Variants in CIST1 observed in about 807,000 individuals in gnomAD.
The protein encoded by CIST1 is uncharacterized LOC729966.
At chr19:18,250,930 C>A in the CIST1 span, among the ~76,000 whole-genome samples, 2 of 152,098 alleles carry the variant, frequency 1.3e-5, no homozygotes, top group Non-Finnish European at 2.9e-5. Context: ...TGTGCCACCA[C>A]ACCCAGCTAA....
At chr19:18,255,341 A>ACAGGTGTGTGGC in the CIST1 span, 11,072 of 398,808 alleles carry the variant, frequency 0.028, 1,073 homozygotes, top group African/African-American at 0.2. The surrounding 1 kb of genome is among the most constrained non-coding windows in gnomAD (Gnocchi z 4.6). Flanking sequence ...CCGGCTCTGC[A>ACAGGTGTGTGGC]CAGGTGTGTG....
chr19:18,253,896 A>G, the CIST1 span, among the ~76,000 whole-genome samples: 1 of 152,146 alleles, frequency 6.6e-6, no homozygotes, highest in African/African-American at 2.4e-5. Context: ...AGGCACTTAC[A>G]AGTTCATTCA....
At chr19:18,255,078 G>A in the CIST1 span, 1 of 393,188 alleles carries the variant, frequency 2.5e-6, no homozygotes, top group Non-Finnish European at 4.5e-6. The surrounding 1 kb of genome is among the most constrained non-coding windows in gnomAD (Gnocchi z 4.6). Context: ...GTTTCTGGGG[G>A]AAAACCCAGC....
chr19:18,255,303 G>A, the CIST1 span: 163 of 399,280 alleles, frequency 4.1e-4, no homozygotes, highest in South Asian at 5.1e-4. This position sits in a 1 kb window ranked among gnomAD's most constrained non-coding sequence, Gnocchi z 4.6. Flanking sequence ...CTGGGGGCAC[G>A]CCATTCCTGC....
chr19:18,250,006 TCCATAACTCGTGTTTTCACACGAGG>T, the CIST1 span: 2 of 397,734 alleles, frequency 5.0e-6, no homozygotes, highest in African/African-American at 2.1e-5. Flanking sequence ...TTCACACGAG[TCCATAACTCGTGTTTTCACACGAGG>T]CCTTGGATGA....
chr19:18,251,799 G>A, the CIST1 span, among the ~76,000 whole-genome samples: 1 of 149,762 alleles, frequency 6.7e-6, no homozygotes, highest in Non-Finnish European at 1.5e-5. Context: ...TTTTGCCCAG[G>A]CCCAAATACA....
At chr19:18,252,144 G>T in the CIST1 span, 1 of 399,344 alleles carries the variant, frequency 2.5e-6, no homozygotes, top group East Asian at 3.6e-5. Context: ...GCTCCAGTGC[G>T]GGGTCAGGGA....
the CIST1 span, among the ~76,000 whole-genome samples, chr19:18,254,433 G>A: frequency 1.3e-5 from 2 of 152,228 alleles, no homozygotes; most frequent in Admixed American, 1.3e-4. Flanking sequence ...TAAAAATAAA[G>A]ATGTTTCTAG....
chr19:18,251,841 G>A, the CIST1 span, among the ~76,000 whole-genome samples: 1 of 151,982 alleles, frequency 6.6e-6, no homozygotes, highest in African/African-American at 2.4e-5. Flanking sequence ...ACCACAGCAA[G>A]TATTAGTTTC....
the CIST1 span, chr19:18,250,432 C>T: frequency 2.0e-4 from 78 of 399,148 alleles, no homozygotes; most frequent in Middle Eastern, 6.3e-4. Context: ...CCACCACACT[C>T]GGGTTCCTGT....
chr19:18,251,498 G>A, the CIST1 span, among the ~76,000 whole-genome samples: 1 of 151,188 alleles, frequency 6.6e-6, no homozygotes, highest in East Asian at 1.9e-4. Flanking sequence ...GCAGTGGCAC[G>A]ATCTCAGCTC....
the CIST1 span, among the ~76,000 whole-genome samples, chr19:18,253,372 G>A: frequency 2.6e-5 from 4 of 152,024 alleles, no homozygotes; most frequent in Non-Finnish European, 5.9e-5. Context: ...GACATAATGA[G>A]ACCTTGTCTC....
chr19:18,253,563 AAC>A, the CIST1 span, among the ~76,000 whole-genome samples: 1 of 141,750 alleles, frequency 7.1e-6, no homozygotes, highest in Admixed American at 7.0e-5. Context: ...AAAAAAAAAA[AAC>A]ACACACACAC....
At chr19:18,253,926 A>T in the CIST1 span, among the ~76,000 whole-genome samples, 2 of 152,068 alleles carry the variant, frequency 1.3e-5, no homozygotes, top group East Asian at 3.9e-4. Flanking sequence ...TGCTCCACCC[A>T]TGCACTCTGC....
the CIST1 span, among the ~76,000 whole-genome samples, chr19:18,251,022 C>G: frequency 1.3e-5 from 2 of 152,040 alleles, no homozygotes; most frequent in Non-Finnish European, 2.9e-5. Flanking sequence ...GTGATCCACC[C>G]GCCTCGGCCT....
the CIST1 span, chr19:18,250,481 A>G: frequency 7.5e-6 from 3 of 398,954 alleles, no homozygotes; most frequent in African/African-American, 2.1e-5. Flanking sequence ...AGCTGGGGAA[A>G]GGAACTCAGA....
the CIST1 span, among the ~76,000 whole-genome samples, chr19:18,254,013 C>T: frequency 1.3e-5 from 2 of 152,212 alleles, no homozygotes; most frequent in Non-Finnish European, 1.5e-5. Flanking sequence ...AACACTGGCC[C>T]TGAGAGGGGG....
the CIST1 span, chr19:18,255,181 T>TC: frequency 2.6e-6 from 1 of 385,896 alleles, no homozygotes; most frequent in Non-Finnish European, 4.6e-6. This position sits in a 1 kb window ranked among gnomAD's most constrained non-coding sequence, Gnocchi z 4.6. Flanking sequence ...CCCCCACCCT[T>TC]CCGCTTTCTG....
chr19:18,251,851 C>T, the CIST1 span, among the ~76,000 whole-genome samples: 155 of 152,160 alleles, frequency 1.0e-3, no homozygotes, highest in African/African-American at 3.6e-3. Flanking sequence ...GTATTAGTTT[C>T]TCTCTTTGCC....
Sources: allele counts gnomAD v4.1 joint callset (sites outside exome capture counted in the v4.1 genomes callset), GRCh38; gene constraint gnomAD v4.1.1; non-coding constraint Gnocchi (gnomAD v3.1); transcripts MANE v1.5; gene names NCBI Gene and HGNC (gene_info 2026-07-23, HGNC 2026-07-21).